The following TUSC3 variants were observed in gnomAD, a reference collection of about 807,000 sequenced individuals.
TUSC3 encodes the protein tumor suppressor candidate 3.
A neutral mutation model predicts 44.8 loss-of-function variants in TUSC3; 45 were observed. That is an observed-to-expected ratio of 1.00 (90% CI 0.79 to 1.29). TUSC3 has a LOEUF of 1.29. TUSC3 is among the 50% of genes most tolerant of loss of function. The probability of loss-of-function intolerance (pLI) is 0.00; values close to 1 mark genes in which losing one functional copy is unlikely to be tolerated. For missense variants in TUSC3, 519 were observed against 437.9 expected, an observed-to-expected ratio of 1.19 and a Z score of -1.65; for synonymous variants, 212 against 152.9, an observed-to-expected ratio of 1.39 and a Z score of -2.85.
At chr8:15,575,440 T>C (rs1426258415) in intron 1 of TUSC3, among the ~76,000 whole-genome samples, 1 of 152,118 alleles carries the variant, frequency 6.6e-6, no homozygotes, top group Non-Finnish European at 1.5e-5. Context: ...CATTGCTTCA[T>C]TGTAAGAGGA....
chr8:15,792,020 A>C, the TUSC3 span, among the ~76,000 whole-genome samples: 3 of 152,278 alleles, frequency 2.0e-5, no homozygotes, highest in Non-Finnish European at 4.4e-5. Flanking sequence ...AAAAAGCCAC[A>C]GACATGTAGG....
chr8:15,783,231 C>T, the TUSC3 span, among the ~76,000 whole-genome samples: 1 of 152,236 alleles, frequency 6.6e-6, no homozygotes, highest in East Asian at 1.9e-4. Flanking sequence ...AAATGTATCC[C>T]ATGTTCATGG....
chr8:15,697,748 G>A (rs1038600628), intron 6 of TUSC3, among the ~76,000 whole-genome samples: 2 of 152,132 alleles, frequency 1.3e-5, no homozygotes, highest in Non-Finnish European at 2.9e-5. Flanking sequence ...AAAATGTAAA[G>A]GATTTCGTTT....
intron 10 of TUSC3, among the ~76,000 whole-genome samples, chr8:15,763,847 C>T (rs1234714679): frequency 1.3e-5 from 2 of 151,922 alleles, no homozygotes; most frequent in African/African-American, 4.8e-5. Flanking sequence ...TTCAAATGAC[C>T]CACTTCACGC....
At chr8:15,567,138 C>T (rs1355874277) in intron 1 of TUSC3, among the ~76,000 whole-genome samples, 3 of 152,138 alleles carry the variant, frequency 2.0e-5, no homozygotes, top group Non-Finnish European at 2.9e-5. Flanking sequence ...AAGAATTAGA[C>T]TTGAGCCAGA....
intron 9 of TUSC3, among the ~76,000 whole-genome samples, chr8:15,752,346 A>G (rs567644391): frequency 6.6e-6 from 1 of 152,228 alleles, no homozygotes; most frequent in South Asian, 2.1e-4. Context: ...CAGCCTTAAT[A>G]TGTACTACTC....
At chr8:15,731,754 CTT>C (rs1044851845) in intron 7 of TUSC3, among the ~76,000 whole-genome samples, 11 of 152,088 alleles carry the variant, frequency 7.2e-5, no homozygotes, top group African/African-American at 2.7e-4. Context: ...AAAATACTAT[CTT>C]TTTAACAACA....
Position 15,673,749 on chromosome 8 carries a change from T to C in TUSC3, c.711T>C (p.Cys237=), listed in dbSNP as rs762594494. ...NKTGWAMVSL[C]IVFAMTSGQM... Reference sequence around the variant, plus strand: ...AAACACTGCACCCTGTTTTTCAGTGTATAGTCTTTGCTATGACTTCTGGCC... The same window carrying C: ...AAACACTGCACCCTGTTTTTCAGTGCATAGTCTTTGCTATGACTTCTGGCC... Residue 237 remains cysteine (C), a splice_region_variant and synonymous_variant, in exon 6 of 11, where the codon TGT becomes TGC. Coordinates refer to ENST00000503731, the MANE Select transcript of TUSC3 (RefSeq NM_006765.4). The C allele has an allele frequency of 1.7e-5, 28 of 1,612,252 alleles. No individual in the cohort carries two copies. The highest frequency in any genetic ancestry group is 3.4e-6 in the Non-Finnish European group (4 of 1,178,750).
At position 15,554,991 on chromosome 8, in the gene TUSC3, G is replaced by A. The variant is rs936728165; in HGVS notation, c.138+14423G>A. 5.3e-5 allele frequency among the ~76,000 whole-genome samples: 8 copies of A among 151,370 alleles called. No individual in the cohort carries two copies. In the East Asian group the frequency reaches 1.6e-3, roughly 30 times the overall value. ...TGAAGCGCTGCTAAATCGTGTGAAG[G>A]GCTATTTAAGTTTGGGGTTTTGGCA... On this transcript the variant is annotated intron_variant, in intron 1 of 10. Transcript: ENST00000503731.
chr8:15,473,807 C>G (rs531119217), intron 1 of TUSC3, among the ~76,000 whole-genome samples: 41 of 152,298 alleles, frequency 2.7e-4, no homozygotes, highest in Non-Finnish European at 5.3e-4. Context: ...CAAAACAGAA[C>G]TACTGATAAG....
chr8:15,767,691 A>G (rs1408079439), downstream of TUSC3, among the ~76,000 whole-genome samples: 4 of 152,108 alleles, frequency 2.6e-5, no homozygotes, highest in African/African-American at 9.7e-5. Flanking sequence ...TTCTTAAGAA[A>G]TGGTGTTTGC....
intron 2 of TUSC3, among the ~76,000 whole-genome samples, chr8:15,515,385 T>C (rs1211617625): frequency 6.6e-6 from 1 of 152,192 alleles, no homozygotes; most frequent in Non-Finnish European, 1.5e-5. Flanking sequence ...TCCTGAATGA[T>C]GAACTTACAG....
intron 1 of TUSC3, among the ~76,000 whole-genome samples, chr8:15,435,983 A>G (rs1257315101): frequency 6.6e-6 from 1 of 152,190 alleles, no homozygotes; most frequent in Non-Finnish European, 1.5e-5. Context: ...AGAATCTCTG[A>G]TGCCATCACA....
intron 1 of TUSC3, among the ~76,000 whole-genome samples, chr8:15,478,553 T>G (rs1800614314): frequency 6.6e-6 from 1 of 152,164 alleles, no homozygotes; most frequent in Non-Finnish European, 1.5e-5. Context: ...CTGTGTTAGT[T>G]TGCTGAGGAC....
intron 5 of TUSC3, among the ~76,000 whole-genome samples, chr8:15,663,416 A>G (rs577401665): frequency 6.6e-6 from 1 of 151,848 alleles, no homozygotes; most frequent in South Asian, 2.1e-4. Flanking sequence ...TTCTTGCAGT[A>G]GCCCTTCATC....
At chr8:15,506,953 G>T (rs1419408307) in intron 2 of TUSC3, among the ~76,000 whole-genome samples, 1 of 152,120 alleles carries the variant, frequency 6.6e-6, no homozygotes, top group Admixed American at 6.5e-5. Flanking sequence ...TGCCCTTTTT[G>T]TCTGGTCATA....
chr8:15,464,534 T>C (rs1036448660), intron 1 of TUSC3, among the ~76,000 whole-genome samples: 1 of 152,214 alleles, frequency 6.6e-6, no homozygotes, highest in South Asian at 2.1e-4. Flanking sequence ...GAAACAAATA[T>C]ATGTGTTAAA....
At chr8:15,583,774 C>G (rs556746689) in intron 1 of TUSC3, among the ~76,000 whole-genome samples, 5 of 151,866 alleles carry the variant, frequency 3.3e-5, no homozygotes, top group Non-Finnish European at 5.9e-5. Context: ...TTTTCTTAAG[C>G]AAGTATTGGA....
At chr8:15,786,975 G>C in the TUSC3 span, among the ~76,000 whole-genome samples, 1 of 149,846 alleles carries the variant, frequency 6.7e-6, no homozygotes, top group African/African-American at 2.5e-5. Context: ...AGACTAGAGT[G>C]GCATAAGATG....
Sources: allele counts gnomAD v4.1 joint callset (sites outside exome capture counted in the v4.1 genomes callset), GRCh38; gene constraint gnomAD v4.1.1; transcripts MANE v1.5; gene names NCBI Gene and HGNC (gene_info 2026-07-23, HGNC 2026-07-21).